AFF1: variants seen among roughly 807,000 people sequenced by gnomAD.
AFF1 encodes ALF transcription elongation factor 1.
In AFF1, 48 loss-of-function variants were observed where a neutral mutation model predicts 121.7. The observed-to-expected ratio is 0.39, with a 90% CI of 0.31 to 0.50. AFF1 has a LOEUF of 0.50. AFF1 is among the 20% of genes least tolerant of loss of function. The probability of loss-of-function intolerance (pLI) is 0.76; values close to 1 mark genes in which losing one functional copy is unlikely to be tolerated. For missense variants in AFF1, 1,523 were observed against 1,511.7 expected, an observed-to-expected ratio of 1.01 and a Z score of -0.12; for synonymous variants, 613 against 563.0, an observed-to-expected ratio of 1.09 and a Z score of -1.26.
chr4:87,094,131 C>T (rs1560618396), intron 7 of AFF1, among the ~76,000 whole-genome samples: 2 of 152,122 alleles, frequency 1.3e-5, no homozygotes, highest in African/African-American at 4.8e-5. Flanking sequence ...AACTCAGACC[C>T]TCTTCTTCTT....
chr4:87,112,383 G>A (rs1726625282), intron 11 of AFF1, among the ~76,000 whole-genome samples: 2 of 152,148 alleles, frequency 1.3e-5, no homozygotes, highest in South Asian at 2.1e-4. Flanking sequence ...TGACATAAGC[G>A]AAGGAAGCCG....
At chr4:87,072,558 G>C (rs1330772402) in intron 4 of AFF1, among the ~76,000 whole-genome samples, 3 of 151,730 alleles carry the variant, frequency 2.0e-5, no homozygotes, top group Non-Finnish European at 2.9e-5. Context: ...GTTTTGCTCT[G>C]TCTCTCAGGC....
At chr4:86,958,575 G>A (rs1027959131) in intron 2 of AFF1, among the ~76,000 whole-genome samples, 4 of 152,094 alleles carry the variant, frequency 2.6e-5, no homozygotes, top group Admixed American at 1.3e-4. Context: ...AAAATTAGCC[G>A]GGTGTGGTGG....
At chr4:87,019,944 GTAGTTGTGTAGA>G (rs1727732001) in intron 2 of AFF1, among the ~76,000 whole-genome samples, 1 of 151,892 alleles carries the variant, frequency 6.6e-6, no homozygotes, top group Non-Finnish European at 1.5e-5. Flanking sequence ...CCATCTCCAG[GTAGTTGTGTAGA>G]TAGTAGGAAA....
intron 2 of AFF1, chr4:87,020,875 C>A (rs1052852138): frequency 8.4e-5 from 81 of 966,836 alleles, no homozygotes; most frequent in Non-Finnish European, 9.8e-5. Context: ...ATGTATTCTT[C>A]CAGAAGGTTT....
At chr4:86,981,198 G>A (rs1723728535) in intron 2 of AFF1, among the ~76,000 whole-genome samples, 1 of 151,960 alleles carries the variant, frequency 6.6e-6, no homozygotes, top group African/African-American at 2.4e-5. Flanking sequence ...GTTTTTAGTA[G>A]AGACAGGGCT....
chr4:86,967,997 A>C (rs1352462672), intron 2 of AFF1, among the ~76,000 whole-genome samples: 2 of 152,230 alleles, frequency 1.3e-5, no homozygotes, highest in Non-Finnish European at 2.9e-5. Flanking sequence ...GTGGGAACTA[A>C]GTAGCAGAGA....
chr4:87,099,006 C>A (rs1318106152), intron 8 of AFF1, among the ~76,000 whole-genome samples: 1 of 152,174 alleles, frequency 6.6e-6, no homozygotes, highest in Non-Finnish European at 1.5e-5. Context: ...ATAAAATTGT[C>A]ACATCAGGAT....
intron 4 of AFF1, among the ~76,000 whole-genome samples, chr4:87,063,256 T>TTGA (rs869168821): frequency 2.2e-5 from 3 of 134,622 alleles, no homozygotes; most frequent in African/African-American, 8.6e-5. Flanking sequence ...TTTTTTTTTT[T>TTGA]GAGACAGAGT....
chr4:87,061,199 T>TCC (rs1578169273), intron 4 of AFF1, among the ~76,000 whole-genome samples: 1 of 152,334 alleles, frequency 6.6e-6, no homozygotes, highest in East Asian at 1.9e-4. Flanking sequence ...TCTGTCAGGC[T>TCC]GAGTATGCCC....
chr4:87,120,908 G>A (rs959229408), intron 12 of AFF1, among the ~76,000 whole-genome samples: 5 of 152,126 alleles, frequency 3.3e-5, no homozygotes, highest in African/African-American at 7.2e-5. Context: ...GCACGGCAGC[G>A]CAGCCTGCCG....
At chr4:86,958,015 G>A (rs184636102) in intron 2 of AFF1, among the ~76,000 whole-genome samples, 7 of 150,446 alleles carry the variant, frequency 4.7e-5, no homozygotes, top group African/African-American at 1.2e-4. Context: ...ATACATACCC[G>A]TCTCACACCT....
intron 2 of AFF1, among the ~76,000 whole-genome samples, chr4:86,986,199 G>A (rs1724263162): frequency 6.6e-6 from 1 of 152,014 alleles, no homozygotes; most frequent in Non-Finnish European, 1.5e-5. Flanking sequence ...GACCTCCCGA[G>A]TAGCTGGGAG....
intron 4 of AFF1, among the ~76,000 whole-genome samples, chr4:87,078,258 A>G (rs1234969526): frequency 1.3e-5 from 2 of 152,192 alleles, no homozygotes; most frequent in Non-Finnish European, 2.9e-5. Context: ...ATTTACATGT[A>G]GTTTAGTTTG....
intron 2 of AFF1, among the ~76,000 whole-genome samples, chr4:86,983,625 C>A (rs1240057682): frequency 1.3e-5 from 2 of 151,960 alleles, no homozygotes; most frequent in Admixed American, 1.3e-4. Flanking sequence ...CTGAGAATTG[C>A]ATGAACCCCG....
Position 87,126,129 on chromosome 4 carries a change from G to A in AFF1, c.2604G>A (p.Lys868=), listed in dbSNP as rs1377096476. ...CCAGGCCCTCCTCACAGTCCTCAAA[G>A]AAGGAAATGCTCCCCCCGCCACCCG... ...KPSRPSSQSS[K]KEMLPPPPVS... is the part of the protein sequence containing the mutation. The change falls in exon 14 of 21, where the codon AAG becomes AAA. Residue 868 remains lysine (K), a synonymous_variant. Transcript: ENST00000395146. The A allele has an allele frequency of 6.2e-7, 1 of 1,614,102 alleles. No homozygotes were observed. The highest frequency in any genetic ancestry group is 1.7e-5 in the Admixed American group (1 of 60,006).
intron 12 of AFF1, among the ~76,000 whole-genome samples, chr4:87,121,860 CTG>C (rs1291107033): frequency 2.6e-5 from 4 of 152,214 alleles, no homozygotes; most frequent in Non-Finnish European, 5.9e-5. Flanking sequence ...TATAACCAGT[CTG>C]TGAGGATTGA....
chr4:87,020,466 T>C (rs1244654403), intron 2 of AFF1, among the ~76,000 whole-genome samples: 1 of 152,140 alleles, frequency 6.6e-6, no homozygotes, highest in Non-Finnish European at 1.5e-5. Context: ...TCTTTGCAAA[T>C]GTTGATGCCA....
At chr4:87,010,997 T>A (rs913334743) in intron 2 of AFF1, among the ~76,000 whole-genome samples, 2 of 145,150 alleles carry the variant, frequency 1.4e-5, no homozygotes, top group Non-Finnish European at 3.0e-5. Context: ...GAGAATGGCG[T>A]GAACCTGGGA....
Sources: gnomAD v4.1 joint callset for allele counts (sites outside exome capture counted in the v4.1 genomes callset) on GRCh38, gnomAD v4.1.1 for gene constraint, MANE v1.5 for transcripts, NCBI Gene and HGNC (gene_info 2026-07-23, HGNC 2026-07-21) for gene names.